Variants in VPS50 observed in about 807,000 individuals in gnomAD.
The protein encoded by VPS50 is syndetin.
VPS50 carries 70 observed loss-of-function variants against 139.7 expected under a neutral mutation model. That is an observed-to-expected ratio of 0.50 (90% confidence interval 0.41 to 0.61). The LOEUF is 0.61. VPS50 is among the 20% of genes least tolerant of loss of function. The probability of loss-of-function intolerance (pLI) is 0.00; values close to 1 mark genes in which losing one functional copy is unlikely to be tolerated. For missense variants in VPS50, 921 were observed against 1,133.7 expected (o/e 0.81, Z 2.69); for synonymous variants, 365 against 376.7 (o/e 0.97, Z 0.36).
chr7:93,347,016 A>G lies in VPS50; in HGVS notation c.2208-1695A>G, dbSNP rs985614063. Among the ~76,000 whole-genome samples the G allele has an allele frequency of 4.9e-5, 7 of 143,510 alleles. No individual in the cohort carries two copies. The South Asian group carries it at 9.1e-4, about 19-fold the overall frequency. 94.1% of individuals were successfully genotyped at this position (143,510 alleles called of 152,430 possible). A position where few individuals can be genotyped will look rare whatever the true frequency, so the allele number is the denominator to read the frequency against. On this transcript the variant is annotated intron_variant, in intron 23 of 27. Coordinates refer to ENST00000305866, the MANE Select transcript of VPS50 (RefSeq NM_017667.4). ...AAAGAGCTTCTGCACAGCAAAAGAA[A>G]CTACCATCAGAGTGAGCAGGCAACC...
chr7:93,340,151 G>A (rs1798173742), intron 22 of VPS50, among the ~76,000 whole-genome samples: 1 of 152,122 alleles, frequency 6.6e-6, no homozygotes, highest in African/African-American at 2.4e-5. Context: ...TCTCCTTCGT[G>A]CCCCAGAAAA....
At chr7:93,340,085 G>C (rs1050705054) in intron 22 of VPS50, among the ~76,000 whole-genome samples, 3 of 152,082 alleles carry the variant, frequency 2.0e-5, no homozygotes, top group Non-Finnish European at 2.9e-5. Flanking sequence ...AAGTGACCCT[G>C]GATTATACTG....
At chr7:93,296,997 G>A in intron 15 of VPS50, 148 bp from the exon 16 acceptor site, 2 of 1,444,752 alleles carry the variant, frequency 1.4e-6, no homozygotes, top group African/African-American at 3.0e-5. Flanking sequence ...TTGGGTGTTT[G>A]TAAACCTTTA....
chr7:93,276,040 G>T, intron 11 of VPS50, 125 bp from the exon 12 acceptor site: 1 of 896,808 alleles, frequency 1.1e-6, no homozygotes, highest in Non-Finnish European at 1.7e-6. Flanking sequence ...ATAATTCTGG[G>T]AAAACTATTA....
At chr7:93,294,733 T>C (rs1473811294) in intron 14 of VPS50, 97 bp downstream of exon 14, 1 of 876,140 alleles carries the variant, frequency 1.1e-6, no homozygotes, top group African/African-American at 1.7e-5. Context: ...ATATGTATTC[T>C]TTGCAGATTT....
At chr7:93,255,472 T>G (rs1203934634) in intron 4 of VPS50, among the ~76,000 whole-genome samples, 1 of 152,202 alleles carries the variant, frequency 6.6e-6, no homozygotes, top group Non-Finnish European at 1.5e-5. Flanking sequence ...CTTGCTCACC[T>G]GCCACTCACT....
At chr7:93,276,067 A>G in intron 11 of VPS50, 98 bp from the exon 12 acceptor site, 7 of 1,114,072 alleles carry the variant, frequency 6.3e-6, no homozygotes, top group Non-Finnish European at 8.9e-6. Flanking sequence ...TGTTGTAACT[A>G]TTATTTGAAA....
At chr7:93,325,423 T>A (rs1797740282) in intron 21 of VPS50, among the ~76,000 whole-genome samples, 1 of 151,826 alleles carries the variant, frequency 6.6e-6, no homozygotes, top group African/African-American at 2.4e-5. Context: ...CCAAAAGCAA[T>A]GGCAACAAAA....
At chr7:93,334,529 A>G (rs1029499685) in intron 22 of VPS50, among the ~76,000 whole-genome samples, 5 of 152,188 alleles carry the variant, frequency 3.3e-5, no homozygotes, top group African/African-American at 1.2e-4. Context: ...GGGAGAGAGA[A>G]AAGTCTTTAA....
At chr7:93,283,224 T>C (rs1457761318) in intron 12 of VPS50, among the ~76,000 whole-genome samples, 1 of 151,188 alleles carries the variant, frequency 6.6e-6, no homozygotes, top group Non-Finnish European at 1.5e-5. Context: ...TTTTTTCTTT[T>C]TCTTTTCTTT....
At chr7:93,343,139 G>A (rs1382324962) in intron 23 of VPS50, among the ~76,000 whole-genome samples, 1 of 152,144 alleles carries the variant, frequency 6.6e-6, no homozygotes, top group African/African-American at 2.4e-5. Flanking sequence ...AGTGCTTAAA[G>A]GAGCTGATGG....
Position 93,353,739 on chromosome 7 carries a change from G to A in VPS50, c.2563G>A (p.Ala855Thr). The A allele has an allele frequency of 2.5e-6, 4 of 1,609,984 alleles. No individual in the cohort carries two copies. The highest frequency in any genetic ancestry group is 3.4e-6 in the Non-Finnish European group (4 of 1,177,716). ...ACTTTGGGAACATTGTATACGATTG[G>A]CTAATCGAACTATTGTAGAAGGGTA... Reference protein sequence around the residue: ...NILWEHCIRLANRTIVEGYAN... With the variant: ...NILWEHCIRLTNRTIVEGYAN... The change falls in exon 26 of 28, where the codon GCT becomes ACT. Residue 855 changes from alanine to threonine, a missense_variant. This residue lies in a region of VPS50 where 158 missense variants were observed against 156.3 expected (regional missense o/e 1.01). Coordinates refer to ENST00000305866, the MANE Select transcript of VPS50 (RefSeq NM_017667.4).
intron 12 of VPS50, among the ~76,000 whole-genome samples, chr7:93,283,364 G>A (rs924705296): frequency 2.0e-5 from 3 of 151,780 alleles, no homozygotes; most frequent in East Asian, 3.9e-4. Flanking sequence ...AGCTTCCCAA[G>A]TAGTTGGGAT....
intron 12 of VPS50, among the ~76,000 whole-genome samples, chr7:93,278,590 C>CAAAA (rs11445569): frequency 2.9e-5 from 2 of 67,956 alleles, no homozygotes; most frequent in African/African-American, 1.0e-4. Context: ...GACTCTGTCT[C>CAAAA]AAAAAAAAAA....
intron 2 of VPS50, among the ~76,000 whole-genome samples, chr7:93,242,861 A>G (rs569024435): frequency 2.0e-5 from 3 of 152,062 alleles, no homozygotes; most frequent in East Asian, 3.9e-4. Context: ...GAAAAATGTT[A>G]GGATAAATGA....
intron 23 of VPS50, 104 bp from the exon 24 acceptor site, chr7:93,348,607 G>T: frequency 1.3e-6 from 1 of 752,628 alleles, no homozygotes. Context: ...AATTTTTATT[G>T]TTAAAGTTTT....
chr7:93,335,738 A>G (rs1168964012), intron 22 of VPS50, among the ~76,000 whole-genome samples: 4 of 152,112 alleles, frequency 2.6e-5, no homozygotes, highest in Admixed American at 2.6e-4. Flanking sequence ...GTCCACAGCT[A>G]AAGTTTTTCT....
intron 2 of VPS50, among the ~76,000 whole-genome samples, chr7:93,244,559 T>C (rs1351203842): frequency 6.6e-6 from 1 of 151,946 alleles, no homozygotes; most frequent in African/African-American, 2.4e-5. Context: ...TTTGCTCGAA[T>C]GTTTTATACT....
intron 23 of VPS50, among the ~76,000 whole-genome samples, chr7:93,343,768 C>T (rs1173638171): frequency 1.3e-5 from 2 of 152,036 alleles, no homozygotes; most frequent in African/African-American, 4.8e-5. Flanking sequence ...ACTTTACAGA[C>T]AAGCAAATGC....
Sources: allele counts gnomAD v4.1 joint callset (sites outside exome capture counted in the v4.1 genomes callset), GRCh38; gene constraint gnomAD v4.1.1; regional missense constraint gnomAD v4.1.1; transcripts MANE v1.5; gene names NCBI Gene and HGNC (gene_info 2026-07-23, HGNC 2026-07-21).